Variants in SYT9 observed in about 807,000 individuals in gnomAD.
SYT9 encodes the protein synaptotagmin 9.
A neutral mutation model predicts 48.4 loss-of-function variants in SYT9; 22 were observed. The ratio of observed to expected loss-of-function variants is 0.45; its 90% CI spans 0.32 to 0.65. SYT9 has a LOEUF of 0.65. Among genes scored for constraint, SYT9 ranks in the 30% least tolerant of loss-of-function variants. SYT9 has a pLI of 0.03. For missense variants in SYT9, 577 were observed against 622.0 expected (o/e 0.93, Z 0.77); for synonymous variants, 265 against 245.0 (o/e 1.08, Z -0.76).
At chr11:7,381,269 G>T (rs1850558358) in intron 3 of SYT9, among the ~76,000 whole-genome samples, 1 of 152,122 alleles carries the variant, frequency 6.6e-6, no homozygotes, top group Non-Finnish European at 1.5e-5. Context: ...AAAAAAGGAG[G>T]TGATATTGGT....
At chr11:7,309,518 T>C (rs1488420850) in intron 2 of SYT9, among the ~76,000 whole-genome samples, 1 of 152,176 alleles carries the variant, frequency 6.6e-6, no homozygotes, top group Non-Finnish European at 1.5e-5. Flanking sequence ...ACCCTTGCCC[T>C]GGGAGCCTCG....
At chr11:7,316,142 T>C (rs1320713773) in intron 3 of SYT9, among the ~76,000 whole-genome samples, 1 of 151,142 alleles carries the variant, frequency 6.6e-6, no homozygotes, top group Non-Finnish European at 1.5e-5. Context: ...ATAGAATGTA[T>C]ATAATATAGT....
chr11:7,277,859 G>A (rs759617513), intron 1 of SYT9, among the ~76,000 whole-genome samples: 8 of 152,256 alleles, frequency 5.3e-5, no homozygotes, highest in Non-Finnish European at 7.3e-5. Flanking sequence ...CAGTGCTAAT[G>A]ATGCTGTAGA....
intron 3 of SYT9, among the ~76,000 whole-genome samples, chr11:7,371,853 A>T (rs1850368112): frequency 6.6e-6 from 1 of 152,154 alleles, no homozygotes; most frequent in African/African-American, 2.4e-5. Context: ...TTGTTAAATA[A>T]TATTACCCTG....
At chr11:7,316,612 C>T (rs1213844720) in intron 3 of SYT9, among the ~76,000 whole-genome samples, 1 of 152,164 alleles carries the variant, frequency 6.6e-6, no homozygotes, top group Admixed American at 6.5e-5. Context: ...ATTTTGTACA[C>T]ATCTTTTGGT....
intron 3 of SYT9, among the ~76,000 whole-genome samples, chr11:7,366,139 A>G (rs138969496): frequency 1.1e-3 from 167 of 152,326 alleles, no homozygotes; most frequent in African/African-American, 3.9e-3. Flanking sequence ...TCATGAGGAC[A>G]TGTTGACACC....
intron 3 of SYT9, among the ~76,000 whole-genome samples, chr11:7,412,136 G>A (rs1390634366): frequency 1.3e-5 from 2 of 152,064 alleles, no homozygotes; most frequent in African/African-American, 4.8e-5. Context: ...TGTTTGCTGA[G>A]CTTCTTTAAA....
intron 3 of SYT9, among the ~76,000 whole-genome samples, chr11:7,336,065 G>A (rs924995910): frequency 6.6e-6 from 1 of 151,964 alleles, no homozygotes; most frequent in African/African-American, 2.4e-5. Context: ...TCTCATTGGC[G>A]TTTTCATTTG....
intron 3 of SYT9, among the ~76,000 whole-genome samples, chr11:7,403,320 G>A (rs1846934663): frequency 6.6e-6 from 1 of 152,130 alleles, no homozygotes; most frequent in African/African-American, 2.4e-5. Flanking sequence ...AGCACTTTGG[G>A]AGGCTGAGGT....
Position 7,467,976 on chromosome 11 carries a change from G to A in SYT9, c.*1176G>A, listed in dbSNP as rs1008725020. The A allele has an allele frequency of 2.0e-5, 6 of 295,158 alleles. No homozygotes were observed. The highest frequency in any genetic ancestry group is 3.7e-5 in the Non-Finnish European group (6 of 161,192). 18.3% of individuals were successfully genotyped at this position (295,158 alleles called of 1,614,324 possible). On this transcript the variant is annotated 3_prime_UTR_variant, in exon 7 of 7. Transcript: ENST00000318881. The stretch of plus-strand genomic sequence containing the variant: ...TCTGCCAACCAATGGCCAGCTATGC[G>A]CCTCATCCTCATTGCTTCTGCCTCC...
At chr11:7,329,571 T>C (rs1849492711) in intron 3 of SYT9, among the ~76,000 whole-genome samples, 1 of 152,192 alleles carries the variant, frequency 6.6e-6, no homozygotes, top group South Asian at 2.1e-4. Context: ...CTAGGGACTC[T>C]TTTTCATCTG....
chr11:7,420,454 G>A (rs1037274887), intron 5 of SYT9, 52 bp from the exon 6 acceptor site: 4 of 1,605,638 alleles, frequency 2.5e-6, no homozygotes, highest in African/African-American at 1.3e-5. Context: ...AGTAGCTATT[G>A]ATCTTACATA....
At chr11:7,449,324 A>C (rs991502961) in intron 6 of SYT9, among the ~76,000 whole-genome samples, 2 of 101,088 alleles carry the variant, frequency 2.0e-5, no homozygotes, top group African/African-American at 9.1e-5. Flanking sequence ...CTCCACCTCA[A>C]AAAAAAAAAA....
At chr11:7,416,197 C>T in intron 4 of SYT9, 35 bp downstream of exon 4, 1 of 1,612,682 alleles carries the variant, frequency 6.2e-7, no homozygotes, top group Non-Finnish European at 8.5e-7. Context: ...TCCTCATGCA[C>T]TTCTACTGTA....
At chr11:7,381,912 C>G (rs1021036406) in intron 3 of SYT9, among the ~76,000 whole-genome samples, 1 of 152,134 alleles carries the variant, frequency 6.6e-6, no homozygotes, top group East Asian at 1.9e-4. Context: ...GCCACTGGTA[C>G]TCCAGAAGCC....
intron 6 of SYT9, among the ~76,000 whole-genome samples, chr11:7,432,581 AAATATATATACATAT>A (rs1847618678): frequency 3.2e-3 from 10 of 3,080 alleles, no homozygotes; most frequent in Admixed American, 4.2e-3. Context: ...AAAAAAAAAA[AAATATATATACATAT>A]ATATATATAT....
chr11:7,359,158 T>A (rs536171338), intron 3 of SYT9, among the ~76,000 whole-genome samples: 53 of 136,568 alleles, frequency 3.9e-4, no homozygotes, highest in Admixed American at 9.9e-4. Context: ...ATTTCATCCA[T>A]GTCCCTACAA....
chr11:7,428,617 T>C (rs575891485), intron 6 of SYT9, among the ~76,000 whole-genome samples: 6 of 152,300 alleles, frequency 3.9e-5, no homozygotes, highest in South Asian at 4.2e-4. Flanking sequence ...GAAGACGCAC[T>C]TGTCAAATGC....
At position 7,280,731 on chromosome 11, in the gene SYT9, G is replaced by A. The variant is rs552651034; in HGVS notation, c.146-22308G>A. On this transcript the variant is annotated intron_variant, in intron 1 of 6. Coordinates refer to ENST00000318881, the MANE Select transcript of SYT9 (RefSeq NM_175733.4). ...GTGCATCAATATCTGGTATTTCCAG[G>A]TGGAGAAGAAGGGATACTATAGATG... Among the ~76,000 whole-genome samples, 14 of 150,958 alleles carry A rather than the reference G, an allele frequency of 9.3e-5. No homozygotes were observed. In the South Asian group the frequency reaches 2.5e-3, roughly 27 times the overall value.
Sources: allele counts gnomAD v4.1 joint callset (sites outside exome capture counted in the v4.1 genomes callset), GRCh38; gene constraint gnomAD v4.1.1; transcripts MANE v1.5; gene names NCBI Gene and HGNC (gene_info 2026-07-23, HGNC 2026-07-21).